Variants in GSG1L observed in about 807,000 individuals in gnomAD.
GSG1L encodes GSG1 like, also known as germ cell-specific gene 1-like protein.
In GSG1L, 24 loss-of-function variants were observed where a neutral mutation model predicts 42.1. The observed-to-expected ratio is 0.57, with a 90% CI of 0.41 to 0.80. The LOEUF (loss-of-function observed/expected upper bound fraction) is 0.80, where lower values mean the gene tolerates loss of function less well. GSG1L is among the 30% of genes least tolerant of loss of function. The pLI is 0.00. For synonymous variants in GSG1L, 215 were observed against 203.5 expected (o/e 1.06, Z -0.48); for missense variants, 445 against 472.2 (o/e 0.94, Z 0.53).
At chr16:27,798,661 C>T (rs1360977023) in intron 6 of GSG1L, among the ~76,000 whole-genome samples, 3 of 152,138 alleles carry the variant, frequency 2.0e-5, no homozygotes, top group East Asian at 3.9e-4. Flanking sequence ...GGGTTTCTGC[C>T]TTATCATGAC....
At position 28,063,056 on chromosome 16, in the gene GSG1L, C is replaced by T; in HGVS notation, c.349+20G>A. ...CCGGGGGAGCCGGAGCCGAGCTGGC[C>T]GCCGCCCGCGCGCACTCACCAAGCC... On this transcript the variant is annotated intron_variant, in intron 1 of 6. Transcript: ENST00000447459. The surrounding 1 kb of genome is among the most constrained non-coding windows in gnomAD (Gnocchi z 5.8). 2.1e-6 allele frequency: 3 copies of T among 1,395,736 alleles called. No homozygotes were observed. Among genetic ancestry groups the T allele is most frequent in the South Asian group, 1.4e-5 (1 of 69,966 alleles). 86.5% of individuals were successfully genotyped at this position (1,395,736 alleles called of 1,614,324 possible).
chr16:27,914,838 A>G (rs888934560), intron 2 of GSG1L, among the ~76,000 whole-genome samples: 2 of 152,188 alleles, frequency 1.3e-5, no homozygotes, highest in Admixed American at 6.5e-5. Context: ...CCTGCATCCT[A>G]CCAGATGCTA....
intron 1 of GSG1L, among the ~76,000 whole-genome samples, chr16:28,011,601 C>T (rs1412607205): frequency 6.6e-6 from 1 of 152,190 alleles, no homozygotes; most frequent in East Asian, 1.9e-4. Context: ...GGTGGAATCA[C>T]CTGATGTTTC....
intron 2 of GSG1L, among the ~76,000 whole-genome samples, chr16:27,891,471 A>G (rs2084125600): frequency 6.6e-6 from 1 of 151,832 alleles, no homozygotes; most frequent in Admixed American, 6.6e-5. Flanking sequence ...GTTATTATTA[A>G]TTATTCATTT....
At chr16:28,002,894 C>A (rs745396944) in intron 1 of GSG1L, among the ~76,000 whole-genome samples, 19 of 152,082 alleles carry the variant, frequency 1.2e-4, no homozygotes, top group Non-Finnish European at 2.4e-4. Flanking sequence ...CCCAGATGCA[C>A]CACTGCACTC....
intron 5 of GSG1L, among the ~76,000 whole-genome samples, chr16:27,819,045 C>G (rs944865770): frequency 6.6e-6 from 1 of 152,170 alleles, no homozygotes; most frequent in South Asian, 2.1e-4. Flanking sequence ...GTCAGGAGTT[C>G]AAGACCAGCC....
At chr16:28,035,085 T>C (rs1054142784) in intron 1 of GSG1L, among the ~76,000 whole-genome samples, 1 of 152,202 alleles carries the variant, frequency 6.6e-6, no homozygotes, top group Admixed American at 6.5e-5. Flanking sequence ...CATGATCATT[T>C]AACCTCAAAC....
chr16:27,843,866 C>T lies in GSG1L; in HGVS notation c.662+1084G>A, dbSNP rs2083414557. Among the ~76,000 whole-genome samples, 3 of 152,202 alleles carry T rather than the reference C, an allele frequency of 2.0e-5. No individual in the cohort carries two copies. The South Asian group carries it at 6.2e-4, about 32-fold the overall frequency. ...AAGGAGAGAGAATATGACCTAAGCC[C>T]ACCAGAGGGAAGCTTGGGACTCTAG... On this transcript the variant is annotated intron_variant, in intron 4 of 6. Coordinates refer to ENST00000447459, the MANE Select transcript of GSG1L (RefSeq NM_001109763.2).
intron 5 of GSG1L, among the ~76,000 whole-genome samples, chr16:27,827,008 C>T (rs528537687): frequency 2.6e-5 from 4 of 152,314 alleles, no homozygotes; most frequent in East Asian, 1.9e-4. Flanking sequence ...GAAAGAGCCA[C>T]GCAGACCTGG....
chr16:27,864,209 T>C (rs1169529164), intron 3 of GSG1L, among the ~76,000 whole-genome samples: 8 of 152,186 alleles, frequency 5.3e-5, no homozygotes, highest in Non-Finnish European at 8.8e-5. Flanking sequence ...GAACCAATCA[T>C]TGTGGGCAAG....
At chr16:27,830,464 C>T (rs1440385539) in intron 4 of GSG1L, among the ~76,000 whole-genome samples, 1 of 150,762 alleles carries the variant, frequency 6.6e-6, no homozygotes, top group East Asian at 1.9e-4. Context: ...AATCTGAGGA[C>T]TCTGCCTTTC....
rs1234387990 is a variant in GSG1L, at chr16:27,789,767, G to A, written c.*1603C>T. The A allele has an allele frequency of 6.6e-6, 1 of 151,088 alleles. No homozygotes were observed. The highest frequency in any genetic ancestry group is 1.5e-5 in the Non-Finnish European group (1 of 67,734). 9.4% of individuals were successfully genotyped at this position (151,088 alleles called of 1,614,324 possible). A position where few individuals can be genotyped will look rare whatever the true frequency, so the allele number is the denominator to read the frequency against. ...ATAGCTGATGAATAGGTGGGTGGAT[G>A]ATGAATGGATGGATGAATGGATAGA... On this transcript the variant is annotated 3_prime_UTR_variant, in exon 7 of 7. Transcript: ENST00000447459.
chr16:28,060,911 T>C (rs1350498659), intron 1 of GSG1L, among the ~76,000 whole-genome samples: 1 of 152,186 alleles, frequency 6.6e-6, no homozygotes, highest in Non-Finnish European at 1.5e-5. Flanking sequence ...AGTCAAGCCC[T>C]GAAAGAACTA....
chr16:27,883,481 T>G (rs2083987281), intron 3 of GSG1L, among the ~76,000 whole-genome samples: 1 of 152,170 alleles, frequency 6.6e-6, no homozygotes, highest in Non-Finnish European at 1.5e-5. Context: ...CTGTGGCATG[T>G]GCTCTAACTT....
chr16:27,958,238 CTACTAAAAA>C (rs145675746), intron 2 of GSG1L, among the ~76,000 whole-genome samples: 1,808 of 151,950 alleles, frequency 0.012, 44 homozygotes, highest in African/African-American at 0.041. Flanking sequence ...AACCCTGTCT[CTACTAAAAA>C]TACAAAAATT....
At chr16:27,895,905 C>T (rs749272299) in intron 2 of GSG1L, among the ~76,000 whole-genome samples, 13 of 152,180 alleles carry the variant, frequency 8.5e-5, no homozygotes, top group Non-Finnish European at 1.3e-4. Context: ...GGCATGCTAC[C>T]GTGGAAACAC....
chr16:27,907,024 T>G (rs1411460590), intron 2 of GSG1L, among the ~76,000 whole-genome samples: 1 of 152,240 alleles, frequency 6.6e-6, no homozygotes, highest in Non-Finnish European at 1.5e-5. Flanking sequence ...ACAGTCCAGC[T>G]GCTCCCAGCT....
intron 1 of GSG1L, among the ~76,000 whole-genome samples, chr16:28,028,212 C>T (rs937742718): frequency 2.0e-5 from 3 of 152,140 alleles, no homozygotes; most frequent in African/African-American, 7.2e-5. Context: ...ATTTCCTTAT[C>T]TAGCCAGTGT....
intron 1 of GSG1L, among the ~76,000 whole-genome samples, chr16:28,054,651 AAAT>A (rs2086260243): frequency 6.6e-6 from 1 of 151,460 alleles, no homozygotes; most frequent in Non-Finnish European, 1.5e-5. Context: ...TAATAAAATA[AAAT>A]AATAAAATAT....
Sources: allele counts gnomAD v4.1 joint callset (sites outside exome capture counted in the v4.1 genomes callset), GRCh38; gene constraint gnomAD v4.1.1; non-coding constraint Gnocchi (gnomAD v3.1); transcripts MANE v1.5; gene names NCBI Gene and HGNC (gene_info 2026-07-23, HGNC 2026-07-21).